MARK3: variants seen among roughly 807,000 people sequenced by gnomAD.
MARK3 encodes the protein microtubule affinity regulating kinase 3, also known as MAP/microtubule affinity-regulating kinase 3.
MARK3 carries 46 observed loss-of-function variants against 90.1 expected under a neutral mutation model. That is an observed-to-expected ratio of 0.51 (90% CI 0.40 to 0.65). The LOEUF (loss-of-function observed/expected upper bound fraction) is 0.65. Ranked by LOEUF, MARK3 falls within the 30% of genes least tolerant of loss-of-function variation. MARK3 has a pLI of 0.00. For synonymous variants in MARK3, 321 were observed against 332.6 expected (o/e 0.97, Z 0.38); for missense variants, 818 against 947.2 (o/e 0.86, Z 1.79).
At chr14:103,474,052 CAA>C (rs33989397) in intron 12 of MARK3, among the ~76,000 whole-genome samples, 7 of 137,672 alleles carry the variant, frequency 5.1e-5, no homozygotes, top group Non-Finnish European at 6.2e-5. Flanking sequence ...AAAATATATA[CAA>C]AAAAAAAAAA....
intron 12 of MARK3, among the ~76,000 whole-genome samples, chr14:103,472,971 A>G (rs2093655317): frequency 6.6e-6 from 1 of 151,176 alleles, no homozygotes; most frequent in Non-Finnish European, 1.5e-5. Flanking sequence ...GAGCCACTGC[A>G]CTCCACAGCC....
At position 103,405,225 on chromosome 14, in the gene MARK3, T is replaced by C. The variant is rs770988448; in HGVS notation, c.201T>C (p.Phe67=). The change falls in exon 2 of 18, where the codon TTT becomes TTC. Residue 67 remains phenylalanine (F), a synonymous_variant. Transcript: ENST00000429436. ...RLLKTIGKGN[F]AKVKLARHIL... is the part of the protein sequence containing the mutation. ...TGAAAACAATCGGCAAGGGGAATTT[T>C]GCAAAAGTAAAATTGGCAAGACATA... The C allele has an allele frequency of 1.3e-6, 2 of 1,574,872 alleles. No individual in the cohort carries two copies. Among genetic ancestry groups the C allele is most frequent in the South Asian group, 2.3e-5 (2 of 85,950 alleles).
At chr14:103,392,357 G>A (rs1489295669) in intron 1 of MARK3, among the ~76,000 whole-genome samples, 2 of 152,146 alleles carry the variant, frequency 1.3e-5, no homozygotes, top group Non-Finnish European at 2.9e-5. Context: ...TCAAACTTAA[G>A]CAAACATTAG....
chr14:103,488,577 C>T (rs2093969266), intron 14 of MARK3, among the ~76,000 whole-genome samples: 1 of 152,158 alleles, frequency 6.6e-6, no homozygotes, highest in South Asian at 2.1e-4. Context: ...CAGAACCAGG[C>T]ACAGTGGCTC....
intron 12 of MARK3, 128 bp downstream of exon 12, chr14:103,468,314 CTTTTTTTTTTTTT>C (rs759932678): frequency 1.4e-4 from 16 of 116,126 alleles, no homozygotes; most frequent in South Asian, 9.4e-4. Context: ...TTTCTTTCTT[CTTTTTTTTTTTTT>C]TTTTTTTTTT....
Position 103,474,977 on chromosome 14 carries a change from G to T in MARK3, c.1265-16G>T. ...AACTATATTCAGTCATTTAAAAAAT[G>T]AACTCTTTATTTTAGCTGGACCAGC... On this transcript the variant is annotated splice_polypyrimidine_tract_variant and intron_variant, in intron 12 of 17. Coordinates refer to ENST00000429436, the MANE Select transcript of MARK3 (RefSeq NM_001128918.3). 1 of 1,590,748 alleles carries T rather than the reference G, an allele frequency of 6.3e-7. No homozygotes were observed. Among genetic ancestry groups the T allele is most frequent in the South Asian group, 1.1e-5 (1 of 90,382 alleles).
chr14:103,491,089 G>A (rs1441397612), intron 14 of MARK3: 1 of 1,276,232 alleles, frequency 7.8e-7, no homozygotes. Flanking sequence ...GACAGTGAAG[G>A]AGATAACTTC....
rs2093488002 is a variant in MARK3, at chr14:103,465,621, A to C, written c.605A>C (p.Glu202Ala). Residue 202 changes from glutamate to alanine, a missense_variant, in exon 8 of 18, where the codon GAA becomes GCA. Coordinates refer to ENST00000429436, the MANE Select transcript of MARK3 (RefSeq NM_001128918.3). ...ATAGCAGATTTCGGTTTTAGCAATG[A>C]ATTTACTGTTGGCGGTAAACTCGAC... ...IKIADFGFSN[E>A]FTVGGKLDTF... is the part of the protein sequence containing the mutation. 6.2e-7 allele frequency: 1 copy of C among 1,614,064 alleles called. No homozygotes were observed. Among genetic ancestry groups the C allele is most frequent in the Non-Finnish European group, 8.5e-7 (1 of 1,180,040 alleles).
At chr14:103,452,751 G>T (rs1473489154) in intron 5 of MARK3, among the ~76,000 whole-genome samples, 1 of 152,112 alleles carries the variant, frequency 6.6e-6, no homozygotes, top group Non-Finnish European at 1.5e-5. Flanking sequence ...GATTACAGGC[G>T]TGAGCCACCG....
At chr14:103,471,336 G>A (rs1247842752) in intron 12 of MARK3, among the ~76,000 whole-genome samples, 4 of 152,228 alleles carry the variant, frequency 2.6e-5, no homozygotes, top group Admixed American at 6.5e-5. Flanking sequence ...AAGAGCTTTA[G>A]ACATGGTATT....
At chr14:103,482,261 C>CT (rs781259189) in intron 14 of MARK3, among the ~76,000 whole-genome samples, 48 of 152,018 alleles carry the variant, frequency 3.2e-4, no homozygotes, top group Non-Finnish European at 4.7e-4. Context: ...TGGCTCACAC[C>CT]TGTAATCCCA....
chr14:103,431,523 C>A (rs953028926), intron 3 of MARK3, among the ~76,000 whole-genome samples: 4 of 152,110 alleles, frequency 2.6e-5, no homozygotes, highest in African/African-American at 9.7e-5. Context: ...CCCAGCTTCT[C>A]AGGAGGCTGA....
chr14:103,412,394 A>G (rs971955170), intron 2 of MARK3: 5 of 609,104 alleles, frequency 8.2e-6, no homozygotes, highest in African/African-American at 3.7e-5. Flanking sequence ...TGTTAGGCCT[A>G]TGCCGAGGAT....
At chr14:103,485,334 C>G (rs1352471166) in intron 14 of MARK3, among the ~76,000 whole-genome samples, 1 of 142,414 alleles carries the variant, frequency 7.0e-6, no homozygotes, top group Non-Finnish European at 1.5e-5. Context: ...TAGTCACAGA[C>G]ATGATCATAG....
intron 14 of MARK3, chr14:103,491,027 G>A (rs1402619310): frequency 1.5e-5 from 19 of 1,288,684 alleles, no homozygotes; most frequent in Non-Finnish European, 1.9e-5. Flanking sequence ...GACATCAGAA[G>A]TCGATGTCCA....
At chr14:103,455,205 G>A (rs1203482047) in intron 5 of MARK3, among the ~76,000 whole-genome samples, 3 of 152,100 alleles carry the variant, frequency 2.0e-5, no homozygotes, top group Admixed American at 6.5e-5. Context: ...CAGCTGGTAG[G>A]CTTAATCGTT....
At chr14:103,393,026 C>T (rs1006697190) in intron 1 of MARK3, among the ~76,000 whole-genome samples, 4 of 151,822 alleles carry the variant, frequency 2.6e-5, no homozygotes, top group Non-Finnish European at 2.9e-5. Context: ...TCTTGTTGCC[C>T]GGGCTGGAGT....
intron 14 of MARK3, chr14:103,489,248 G>A (rs960366640): frequency 6.6e-6 from 1 of 152,244 alleles, no homozygotes; most frequent in African/African-American, 2.4e-5. Flanking sequence ...AACATTTTCT[G>A]ACCTGGTGCC....
intron 1 of MARK3, among the ~76,000 whole-genome samples, chr14:103,391,286 C>T (rs566671705): frequency 6.6e-6 from 1 of 152,258 alleles, no homozygotes; most frequent in South Asian, 2.1e-4. Context: ...TACTTAGCCC[C>T]CCATGTACTC....
Sources: allele counts gnomAD v4.1 joint callset (sites outside exome capture counted in the v4.1 genomes callset), GRCh38; gene constraint gnomAD v4.1.1; transcripts MANE v1.5; gene names NCBI Gene and HGNC (gene_info 2026-07-23, HGNC 2026-07-21).